The following NCALD variants were observed in gnomAD, a reference collection of about 807,000 sequenced individuals.
NCALD encodes the protein neurocalcin delta.
Under a neutral mutation model 18.6 loss-of-function variants are expected in NCALD, and 10 were observed. The ratio of observed to expected loss-of-function variants is 0.54; its 90% confidence interval spans 0.33 to 0.91. NCALD has a LOEUF of 0.91. Ranked by LOEUF, NCALD falls within the 40% of genes least tolerant of loss-of-function variation. NCALD has a pLI of 0.03. For synonymous variants in NCALD, 88 were observed against 87.4 expected, an observed-to-expected ratio of 1.01 and a Z score of -0.04; for missense variants, 184 against 247.6, an observed-to-expected ratio of 0.74 and a Z score of 1.72.
At chr8:101,804,739 CAT>C (rs1177639605) in intron 4 of NCALD, among the ~76,000 whole-genome samples, 1 of 147,376 alleles carries the variant, frequency 6.8e-6, no homozygotes, top group African/African-American at 2.5e-5. Context: ...CTTTTAAAAA[CAT>C]AATGCCATTT....
chr8:101,857,938 T>C (rs1422428817), intron 4 of NCALD, among the ~76,000 whole-genome samples: 3 of 152,126 alleles, frequency 2.0e-5, no homozygotes, highest in Non-Finnish European at 4.4e-5. Flanking sequence ...TACAAATATA[T>C]ACTTATAATA....
intron 2 of NCALD, among the ~76,000 whole-genome samples, chr8:101,987,479 G>A (rs983639806): frequency 5.9e-5 from 9 of 152,070 alleles, no homozygotes; most frequent in African/African-American, 2.2e-4. Context: ...CACGTCTCTG[G>A]GCGGAAAACA....
chr8:101,802,221 A>G (rs1188763645), intron 4 of NCALD, among the ~76,000 whole-genome samples: 1 of 152,186 alleles, frequency 6.6e-6, no homozygotes, highest in Non-Finnish European at 1.5e-5. Context: ...GCTTTGGGGC[A>G]CCACAAACCA....
chr8:101,956,529 A>C (rs10097554), intron 2 of NCALD, among the ~76,000 whole-genome samples: 2 of 151,984 alleles, frequency 1.3e-5, no homozygotes, highest in Non-Finnish European at 1.5e-5. Flanking sequence ...GGTACACGTA[A>C]GTATCTACAT....
At chr8:101,897,832 A>G (rs547536090) in intron 3 of NCALD, among the ~76,000 whole-genome samples, 1 of 152,252 alleles carries the variant, frequency 6.6e-6, no homozygotes, top group East Asian at 1.9e-4. Context: ...TGACATTGAT[A>G]TGGTTTGACT....
intron 1 of NCALD, among the ~76,000 whole-genome samples, chr8:102,073,205 G>A (rs955772333): frequency 5.3e-5 from 8 of 152,212 alleles, no homozygotes; most frequent in African/African-American, 1.9e-4. Context: ...GGAGGCTGAG[G>A]AAGGAGAATT....
chr8:101,991,610 T>C (rs1770965768), intron 2 of NCALD, among the ~76,000 whole-genome samples: 1 of 151,912 alleles, frequency 6.6e-6, no homozygotes, highest in Non-Finnish European at 1.5e-5. Flanking sequence ...GGGCTGGGGG[T>C]CAGAGGTTTC....
At chr8:101,756,155 G>A (rs752714334) in intron 1 of NCALD, among the ~76,000 whole-genome samples, 4 of 151,548 alleles carry the variant, frequency 2.6e-5, no homozygotes, top group Non-Finnish European at 5.9e-5. Context: ...GAGTATAAAT[G>A]TACCGCTAGT....
chr8:101,743,547 A>AG (rs1810302234), intron 1 of NCALD, among the ~76,000 whole-genome samples: 1 of 152,202 alleles, frequency 6.6e-6, no homozygotes, highest in African/African-American at 2.4e-5. Context: ...TTATGGGCAC[A>AG]GGGGGATGTT....
chr8:101,739,789 C>T (rs1810106176), intron 1 of NCALD, among the ~76,000 whole-genome samples: 1 of 152,200 alleles, frequency 6.6e-6, no homozygotes, highest in African/African-American at 2.4e-5. Flanking sequence ...AGGGCTTGGA[C>T]TGGCTTCTCT....
intron 2 of NCALD, among the ~76,000 whole-genome samples, chr8:101,718,428 G>C (rs1816189112): frequency 6.6e-6 from 1 of 151,986 alleles, no homozygotes; most frequent in South Asian, 2.1e-4. Flanking sequence ...TCACAAACTG[G>C]ATTCCACAGA....
intron 2 of NCALD, among the ~76,000 whole-genome samples, chr8:102,001,819 C>T (rs549351426): frequency 2.6e-4 from 40 of 152,292 alleles, no homozygotes; most frequent in Non-Finnish European, 5.9e-4. Flanking sequence ...TACAGACAAG[C>T]AAATGCTGAG....
chr8:101,826,443 G>C (rs1813941214), intron 4 of NCALD, among the ~76,000 whole-genome samples: 1 of 152,172 alleles, frequency 6.6e-6, no homozygotes, highest in South Asian at 2.1e-4. Flanking sequence ...TCAAGATGAA[G>C]AAAGATCAAG....
chr8:102,107,607 G>A (rs1174482525), intron 1 of NCALD, among the ~76,000 whole-genome samples: 2 of 152,130 alleles, frequency 1.3e-5, no homozygotes, highest in Non-Finnish European at 2.9e-5. Flanking sequence ...TCTCATGTGG[G>A]AATAAGCCAA....
At chr8:102,036,339 C>T (rs991153122) in intron 1 of NCALD, among the ~76,000 whole-genome samples, 1 of 150,572 alleles carries the variant, frequency 6.6e-6, no homozygotes, top group African/African-American at 2.4e-5. Flanking sequence ...ATATATATCA[C>T]TATATATATC....
At chr8:101,999,048 A>T (rs1466538047) in intron 2 of NCALD, among the ~76,000 whole-genome samples, 1 of 150,410 alleles carries the variant, frequency 6.6e-6, no homozygotes, top group Non-Finnish European at 1.5e-5. Flanking sequence ...AGGGGGAAAA[A>T]ATCATACCCA....
intron 4 of NCALD, among the ~76,000 whole-genome samples, chr8:101,878,119 A>C (rs954486883): frequency 9.2e-5 from 14 of 152,212 alleles, no homozygotes; most frequent in African/African-American, 3.4e-4. Context: ...CATATAGTAA[A>C]TGTCCTCGTT....
At position 101,921,161 on chromosome 8, in the gene NCALD, A is replaced by G. The variant is rs146908612; in HGVS notation, c.-156-5303T>C. Among the ~76,000 whole-genome samples the G allele has an allele frequency of 4.1e-4, 62 of 152,206 alleles. 1 individual carries two copies. Among genetic ancestry groups the G allele is most frequent in the African/African-American group, 1.2e-3 (51 of 41,516 alleles). ...TGTGTCTGACATAAAAAGTGCATTT[A>G]AGTACCTCTGAGAGTGCCAGTCTAA... is the stretch of plus-strand genomic sequence containing the variant. On this transcript the variant is annotated intron_variant, in intron 2 of 6. Coordinates refer to the NCALD transcript ENST00000311028.
chr8:101,832,976 G>T (rs1022136680), intron 4 of NCALD, among the ~76,000 whole-genome samples: 1 of 152,292 alleles, frequency 6.6e-6, no homozygotes, highest in South Asian at 2.1e-4. Flanking sequence ...TTATATTGTG[G>T]CCATGTTTAA....
Sources: allele counts gnomAD v4.1 joint callset (sites outside exome capture counted in the v4.1 genomes callset), GRCh38; gene constraint gnomAD v4.1.1; transcripts MANE v1.5; gene names NCBI Gene and HGNC (gene_info 2026-07-23, HGNC 2026-07-21).